The following PLA2G4A variants were observed in gnomAD, a reference collection of about 807,000 sequenced individuals.
PLA2G4A encodes phospholipase A2 group IVA, also known as cytosolic phospholipase A2.
PLA2G4A carries 40 observed loss-of-function variants against 81.9 expected under a neutral mutation model. That is an observed-to-expected ratio of 0.49 (90% CI 0.38 to 0.64). The LOEUF is 0.64. Ranked by LOEUF, PLA2G4A falls within the 30% of genes least tolerant of loss-of-function variation. The pLI, the probability that PLA2G4A is intolerant of heterozygous loss-of-function variation, is 0.00. For synonymous variants in PLA2G4A, 302 were observed against 296.9 expected, an observed-to-expected ratio of 1.02 and a Z score of -0.18; for missense variants, 715 against 905.1, an observed-to-expected ratio of 0.79 and a Z score of 2.69.
intron 2 of PLA2G4A, among the ~76,000 whole-genome samples, chr1:186,857,009 C>A (rs2102031680): frequency 8.4e-6 from 1 of 119,382 alleles, no homozygotes; most frequent in East Asian, 2.5e-4. Flanking sequence ...TCTACTTGAT[C>A]TGACCAGGCC....
At chr1:186,965,983 A>G (rs1657113799) in intron 15 of PLA2G4A, among the ~76,000 whole-genome samples, 1 of 152,114 alleles carries the variant, frequency 6.6e-6, no homozygotes, top group Non-Finnish European at 1.5e-5. Context: ...GGAGGAGAAC[A>G]AAGGAAGTGT....
chr1:186,874,716 A>G (rs1653406713), intron 3 of PLA2G4A, among the ~76,000 whole-genome samples: 1 of 152,048 alleles, frequency 6.6e-6, no homozygotes, highest in Admixed American at 6.6e-5. Flanking sequence ...ACAGTGTTTA[A>G]TGCTCACATT....
intron 2 of PLA2G4A, among the ~76,000 whole-genome samples, chr1:186,866,800 T>C (rs1012834310): frequency 2.6e-5 from 4 of 152,132 alleles, no homozygotes; most frequent in African/African-American, 7.2e-5. Flanking sequence ...ATAATTATTA[T>C]TGAGATGGTT....
rs535142337 is a variant in PLA2G4A at position 186,837,980 on chromosome 1, T to C, written c.-70+8945T>C. 3.9e-5 allele frequency among the ~76,000 whole-genome samples: 6 copies of C among 152,002 alleles called. No homozygotes were observed. The East Asian group carries it at 7.8e-4, about 20-fold the overall frequency. On this transcript the variant is annotated intron_variant, in intron 1 of 17. Coordinates refer to ENST00000367466, the MANE Select transcript of PLA2G4A (RefSeq NM_024420.3). ...ATACGCAGATTTGATGGTGGGAAGA[T>C]GAGAAACTTCCCTCTGGTGCTTTCT...
At chr1:186,925,307 G>T (rs1035129456) in intron 7 of PLA2G4A, among the ~76,000 whole-genome samples, 2 of 152,172 alleles carry the variant, frequency 1.3e-5, no homozygotes, top group African/African-American at 4.8e-5. Context: ...GTATTGAGAG[G>T]ACTTGTACTT....
At chr1:186,892,260 T>C (rs192677979) in intron 3 of PLA2G4A, among the ~76,000 whole-genome samples, 1 of 152,202 alleles carries the variant, frequency 6.6e-6, no homozygotes, top group Admixed American at 6.5e-5. Context: ...TTTTGTTGAT[T>C]TTTTTTCCTT....
At chr1:186,831,429 A>G (rs568644774) in intron 1 of PLA2G4A, among the ~76,000 whole-genome samples, 1 of 152,314 alleles carries the variant, frequency 6.6e-6, no homozygotes, top group South Asian at 2.1e-4. Context: ...CTCAACCCCA[A>G]TAATAATTAA....
At chr1:186,943,272 T>A (rs1483543546) in intron 10 of PLA2G4A, among the ~76,000 whole-genome samples, 1 of 152,210 alleles carries the variant, frequency 6.6e-6, no homozygotes, top group Non-Finnish European at 1.5e-5. Context: ...CATTGGTGTT[T>A]AAACTGTTAG....
chr1:186,834,220 A>G (rs1389711963), intron 1 of PLA2G4A, among the ~76,000 whole-genome samples: 1 of 152,050 alleles, frequency 6.6e-6, no homozygotes, highest in Non-Finnish European at 1.5e-5. Context: ...TTGAAAAAAA[A>G]ATCAGAGGCC....
intron 15 of PLA2G4A, among the ~76,000 whole-genome samples, chr1:186,971,375 G>T (rs2102285894): frequency 6.6e-6 from 1 of 151,938 alleles, no homozygotes; most frequent in African/African-American, 2.4e-5. Context: ...TTCTACCTGT[G>T]CATTCTCTTA....
chr1:186,902,034 C>A (rs964407138), intron 5 of PLA2G4A, among the ~76,000 whole-genome samples: 21 of 152,142 alleles, frequency 1.4e-4, no homozygotes, highest in African/African-American at 4.8e-4. Context: ...TATGCTTACA[C>A]AAACCTAGAT....
chr1:186,911,185 C>T lies in PLA2G4A; in HGVS notation c.417-63C>T, dbSNP rs974477784. On this transcript the variant is annotated intron_variant, in intron 6 of 17. Coordinates refer to ENST00000367466, the MANE Select transcript of PLA2G4A (RefSeq NM_024420.3). ...AGCTCCTAGGGACCTGGAAAAGCTA[C>T]CTGGATGGAAAACCAGACCACTGGG... 79 of 1,456,150 alleles carry T rather than the reference C, an allele frequency of 5.4e-5. 1 individual carries two copies. The highest frequency in any genetic ancestry group is 3.2e-4 in the Admixed American group (19 of 59,838). The allele number at this position is 1,456,150 out of a possible 1,614,324, so 90.2% of individuals were successfully genotyped here.
intron 15 of PLA2G4A, among the ~76,000 whole-genome samples, chr1:186,970,626 G>T (rs1020199937): frequency 6.6e-6 from 1 of 151,988 alleles, no homozygotes; most frequent in Non-Finnish European, 1.5e-5. Flanking sequence ...TCTGCATGTG[G>T]ATATTCAGTT....
intron 5 of PLA2G4A, among the ~76,000 whole-genome samples, chr1:186,902,482 C>T (rs1267477550): frequency 6.6e-6 from 1 of 152,096 alleles, no homozygotes; most frequent in Admixed American, 6.6e-5. Context: ...AGAAACATCG[C>T]CCATTATCTC....
intron 3 of PLA2G4A, among the ~76,000 whole-genome samples, chr1:186,883,982 T>A (rs1343298444): frequency 6.6e-6 from 1 of 152,080 alleles, no homozygotes; most frequent in Non-Finnish European, 1.5e-5. Flanking sequence ...ATTTTGTTCA[T>A]TTTTTTAAGG....
At chr1:186,891,985 T>A (rs1244115972) in intron 3 of PLA2G4A, among the ~76,000 whole-genome samples, 1 of 152,200 alleles carries the variant, frequency 6.6e-6, no homozygotes, top group Non-Finnish European at 1.5e-5. Flanking sequence ...ATAAGCCATT[T>A]TATCCAGGTG....
chr1:186,830,979 TTTC>T (rs1651554844), intron 1 of PLA2G4A, among the ~76,000 whole-genome samples: 1 of 138,238 alleles, frequency 7.2e-6, no homozygotes, highest in Non-Finnish European at 1.6e-5. Flanking sequence ...TCTTTCTTTC[TTTC>T]TTTCTTTCTT....
intron 15 of PLA2G4A, among the ~76,000 whole-genome samples, chr1:186,973,267 T>G (rs1490785987): frequency 6.6e-6 from 1 of 152,178 alleles, no homozygotes; most frequent in African/African-American, 2.4e-5. Context: ...CAGCTTTTGG[T>G]GGTTCCAGGC....
At chr1:186,868,723 T>C (rs1653127083) in intron 2 of PLA2G4A, among the ~76,000 whole-genome samples, 1 of 152,224 alleles carries the variant, frequency 6.6e-6, no homozygotes, top group Admixed American at 6.5e-5. Context: ...TGCACCTATT[T>C]AGATTGTCTA....
Sources: gnomAD v4.1 joint callset for allele counts (sites outside exome capture counted in the v4.1 genomes callset) on GRCh38, gnomAD v4.1.1 for gene constraint, MANE v1.5 for transcripts, NCBI Gene and HGNC (gene_info 2026-07-23, HGNC 2026-07-21) for gene names.